The following KLF12 variants were observed in gnomAD, a reference collection of about 807,000 sequenced individuals.
KLF12 encodes the protein Krueppel-like factor 12.
Under a neutral mutation model 37.8 loss-of-function variants are expected in KLF12, and 9 were observed. That is an observed-to-expected ratio of 0.24 (90% CI 0.14 to 0.42). KLF12 has a LOEUF of 0.42. KLF12 is among the 10% of genes least tolerant of loss of function. The pLI is 1.00. For missense variants in KLF12, 411 were observed against 516.0 expected, an observed-to-expected ratio of 0.80 and a Z score of 1.97; for synonymous variants, 208 against 202.1, an observed-to-expected ratio of 1.03 and a Z score of -0.25.
intron 5 of KLF12, among the ~76,000 whole-genome samples, chr13:73,789,379 G>A (rs1181068070): frequency 6.6e-6 from 1 of 152,170 alleles, no homozygotes; most frequent in African/African-American, 2.4e-5. Flanking sequence ...CTTGTTGGGT[G>A]TCACAGTAGC....
rs147216013 is a variant in KLF12, at chr13:73,794,235, C to T, written c.806+18917G>A. Among the ~76,000 whole-genome samples the T allele has an allele frequency of 3.5e-4, 54 of 152,298 alleles. 1 individual carries two copies. In the East Asian group the frequency reaches 0.01, roughly 29 times the overall value. On this transcript the variant is annotated intron_variant, in intron 5 of 7. Coordinates refer to ENST00000377669, the MANE Select transcript of KLF12 (RefSeq NM_007249.5). ...CGGCACTTTGGGAGGCCGAGGCAGG[C>T]GGATCATCTGAGGTCGGGAGTTCGA...
chr13:73,863,042 C>T (rs1360498631), intron 3 of KLF12, among the ~76,000 whole-genome samples: 1 of 152,052 alleles, frequency 6.6e-6, no homozygotes, highest in East Asian at 1.9e-4. Flanking sequence ...TCCAAAAAGG[C>T]ATTTATGTTG....
At chr13:74,073,161 A>T (rs1874375720) in intron 1 of KLF12, among the ~76,000 whole-genome samples, 1 of 152,216 alleles carries the variant, frequency 6.6e-6, no homozygotes, top group Non-Finnish European at 1.5e-5. Context: ...CTGTGAGTCC[A>T]CTAAACCTCT....
chr13:74,187,420 C>T, the KLF12 span, among the ~76,000 whole-genome samples: 2 of 152,068 alleles, frequency 1.3e-5, no homozygotes, highest in East Asian at 1.9e-4. Flanking sequence ...CAAGTGTCCT[C>T]GTTTGTAACC....
chr13:74,179,209 A>G, the KLF12 span, among the ~76,000 whole-genome samples: 2 of 152,220 alleles, frequency 1.3e-5, no homozygotes, highest in African/African-American at 2.4e-5. Context: ...GAGAGAAGCA[A>G]GAAAGCTTCC....
the KLF12 span, among the ~76,000 whole-genome samples, chr13:74,189,933 T>C: frequency 6.6e-6 from 1 of 152,048 alleles, no homozygotes; most frequent in African/African-American, 2.4e-5. Flanking sequence ...GAATGTCCAC[T>C]TTTTTTTCTT....
chr13:74,100,853 G>A (rs539050321), intron 1 of KLF12, among the ~76,000 whole-genome samples: 33 of 152,140 alleles, frequency 2.2e-4, no homozygotes, highest in Middle Eastern at 3.4e-3. Flanking sequence ...ATCAAAGTCC[G>A]ACCTTCCCTT....
chr13:73,797,548 TC>T (rs760800732), intron 5 of KLF12, among the ~76,000 whole-genome samples: 21 of 152,012 alleles, frequency 1.4e-4, no homozygotes, highest in Admixed American at 2.0e-4. Flanking sequence ...GACAGGAGAA[TC>T]ACTTGAGGCC....
intron 6 of KLF12, among the ~76,000 whole-genome samples, chr13:73,718,729 C>A (rs139626583): frequency 0.16 from 24,526 of 152,016 alleles, 2,939 homozygotes; most frequent in African/African-American, 0.34. Context: ...CCTGTCTCTA[C>A]AAAAACATAC....
chr13:74,136,797 A>G (rs1354365106), upstream of KLF12, among the ~76,000 whole-genome samples: 1 of 151,880 alleles, frequency 6.6e-6, no homozygotes, highest in African/African-American at 2.4e-5. Context: ...AAAAAAAAGT[A>G]CATCAAGCAT....
rs1184627625 is a variant in KLF12 at position 73,761,753 on chromosome 13, G to A, written c.869+3185C>T. Reference sequence around the variant, plus strand: ...GTCTTTTGTCAGTTTAATTTACAGGGCCCCAGCCAATAAACCTAAGATGGG... The same window carrying A: ...GTCTTTTGTCAGTTTAATTTACAGGACCCCAGCCAATAAACCTAAGATGGG... On this transcript the variant is annotated intron_variant, in intron 6 of 7. Coordinates refer to ENST00000377669, the MANE Select transcript of KLF12 (RefSeq NM_007249.5). Among the ~76,000 whole-genome samples, 7 of 151,942 alleles carry A rather than the reference G, an allele frequency of 4.6e-5. No homozygotes were observed. In the East Asian group the frequency reaches 1.4e-3, roughly 29 times the overall value.
chr13:73,812,522 A>G (rs1414801333), intron 5 of KLF12, among the ~76,000 whole-genome samples: 1 of 152,050 alleles, frequency 6.6e-6, no homozygotes, highest in Non-Finnish European at 1.5e-5. Context: ...AGACCTCAAT[A>G]AAGCTGAAAA....
intron 1 of KLF12, among the ~76,000 whole-genome samples, chr13:74,007,392 C>T (rs1431165560): frequency 1.3e-5 from 2 of 151,894 alleles, no homozygotes; most frequent in Admixed American, 6.6e-5. Flanking sequence ...ATTCTCCTGC[C>T]TCAGTCTCAG....
chr13:74,192,843 T>G, the KLF12 span, among the ~76,000 whole-genome samples: 1 of 152,224 alleles, frequency 6.6e-6, no homozygotes. Context: ...TTATGCTGGC[T>G]TAGTGTTTAT....
the KLF12 span, among the ~76,000 whole-genome samples, chr13:74,183,654 G>A: frequency 6.6e-6 from 1 of 152,172 alleles, no homozygotes; most frequent in African/African-American, 2.4e-5. Context: ...ATTCTCAGAA[G>A]CTGGGTGCAG....
intron 1 of KLF12, among the ~76,000 whole-genome samples, chr13:74,124,719 C>T (rs973408299): frequency 2.6e-5 from 4 of 152,056 alleles, no homozygotes; most frequent in African/African-American, 9.7e-5. Flanking sequence ...GGTGATACGG[C>T]AAATGATAAA....
chr13:74,121,393 C>T (rs1877626912), intron 1 of KLF12, among the ~76,000 whole-genome samples: 2 of 151,812 alleles, frequency 1.3e-5, no homozygotes, highest in South Asian at 4.2e-4. Context: ...GTTATGAATA[C>T]CCTGAAACCA....
At chr13:73,995,610 TA>T (rs1165186576) in intron 1 of KLF12, among the ~76,000 whole-genome samples, 1 of 152,086 alleles carries the variant, frequency 6.6e-6, no homozygotes, top group South Asian at 2.1e-4. Flanking sequence ...CAAGTAACTT[TA>T]AAAAAATGAT....
intron 2 of KLF12, among the ~76,000 whole-genome samples, chr13:73,993,098 T>C (rs902335620): frequency 2.6e-5 from 4 of 152,078 alleles, no homozygotes; most frequent in African/African-American, 4.8e-5. Context: ...CTAGGCAACA[T>C]GGCACGCACC....
Sources: allele counts gnomAD v4.1 joint callset (sites outside exome capture counted in the v4.1 genomes callset), GRCh38; gene constraint gnomAD v4.1.1; transcripts MANE v1.5; gene names NCBI Gene and HGNC (gene_info 2026-07-23, HGNC 2026-07-21).